Variants in TEX11 observed in about 807,000 individuals in gnomAD.
The protein encoded by TEX11 is testis expressed 11, also known as testis-expressed protein 11.
TEX11 carries 7 observed loss-of-function variants against 84.4 expected under a neutral mutation model. The observed-to-expected ratio is 0.08, with a 90% CI of 0.05 to 0.16. The LOEUF (loss-of-function observed/expected upper bound fraction) is 0.16. Among genes scored for constraint, TEX11 ranks in the 10% least tolerant of loss-of-function variants. The pLI is 1.00. For synonymous variants in TEX11, 264 were observed against 222.8 expected (o/e 1.18, Z -1.64); for missense variants, 551 against 660.5 (o/e 0.83, Z 1.82).
At chrX:70,824,492 C>T (rs1371879037) in intron 8 of TEX11, among the ~76,000 whole-genome samples, 1 of 111,528 alleles carries the variant, frequency 9.0e-6, no homozygotes, top group Non-Finnish European at 1.9e-5. Context: ...ACCTTACTGT[C>T]CATTCACTGC....
At chrX:70,687,887 AAAGGAAGGAAGG>A (rs200150715) in intron 13 of TEX11, among the ~76,000 whole-genome samples, 1 of 108,225 alleles carries the variant, frequency 9.2e-6, no homozygotes, top group Non-Finnish European at 1.9e-5. Context: ...AAAAGAAAGA[AAAGGAAGGAAGG>A]AAGGAAGGAG....
intron 9 of TEX11, among the ~76,000 whole-genome samples, chrX:70,766,315 G>A (rs941163901): frequency 1.8e-5 from 2 of 110,165 alleles, no homozygotes; most frequent in African/African-American, 3.3e-5. Flanking sequence ...GGGAGGCTGT[G>A]GCAGAAGAAT....
At chrX:70,875,704 C>T (rs765901456) in intron 3 of TEX11, among the ~76,000 whole-genome samples, 3 of 110,628 alleles carry the variant, frequency 2.7e-5, no homozygotes, top group East Asian at 2.8e-4. Context: ...GAGCCGAGAT[C>T]GTGCCACTGC....
chrX:70,724,274 T>C (rs2090582788), intron 12 of TEX11: 17 of 712,977 alleles, frequency 2.4e-5, no homozygotes, highest in Non-Finnish European at 2.8e-5. Context: ...TTTCAATCTG[T>C]GTATGCTGAG....
intron 25 of TEX11, among the ~76,000 whole-genome samples, chrX:70,566,615 G>T (rs1489312655): frequency 1.2e-4 from 13 of 111,141 alleles, no homozygotes; most frequent in South Asian, 1.2e-3. Context: ...TAGCATGAAG[G>T]GTTGTTGAAT....
intron 17 of TEX11, among the ~76,000 whole-genome samples, chrX:70,646,194 G>A (rs1043346668): frequency 1.8e-5 from 2 of 112,249 alleles, no homozygotes; most frequent in African/African-American, 6.5e-5. Flanking sequence ...TCAACCAATA[G>A]TGTTGGTAAA....
chrX:70,590,284 T>C (rs746085213), intron 25 of TEX11, among the ~76,000 whole-genome samples: 1 of 111,739 alleles, frequency 8.9e-6, no homozygotes, highest in African/African-American at 3.3e-5. Context: ...TTCATATGTT[T>C]ATGTTCTTCC....
chrX:70,792,313 A>T (rs866322067), intron 9 of TEX11, among the ~76,000 whole-genome samples: 1 of 20,912 alleles, frequency 4.8e-5, no homozygotes, highest in Admixed American at 1.1e-3. Context: ...AAAAAAAAAA[A>T]AAATATATAT....
intron 25 of TEX11, among the ~76,000 whole-genome samples, chrX:70,575,705 G>T (rs747089848): frequency 1.1e-4 from 12 of 111,805 alleles, no homozygotes; most frequent in African/African-American, 3.9e-4. Context: ...GAGGTGTTTT[G>T]TTACAGCAGC....
chrX:70,600,430 T>A (rs1603125043), intron 24 of TEX11, among the ~76,000 whole-genome samples: 3 of 110,838 alleles, frequency 2.7e-5, no homozygotes, highest in Admixed American at 9.7e-5. Context: ...AGACTTTAAC[T>A]TCCCACCATC....
chrX:70,882,198 G>A (rs1311996830), intron 2 of TEX11, among the ~76,000 whole-genome samples: 4 of 110,998 alleles, frequency 3.6e-5, no homozygotes, highest in Non-Finnish European at 5.7e-5. Context: ...CAAAATATTG[G>A]TAACAGAATC....
chrX:70,845,911 G>A (rs1052590347), intron 7 of TEX11, among the ~76,000 whole-genome samples: 6 of 111,210 alleles, frequency 5.4e-5, no homozygotes, highest in Admixed American at 4.8e-4. Context: ...ATCACACTTC[G>A]ATATGCAACA....
intron 25 of TEX11, among the ~76,000 whole-genome samples, chrX:70,555,270 T>C (rs1046661852): frequency 3.6e-5 from 4 of 112,241 alleles, no homozygotes; most frequent in Non-Finnish European, 7.5e-5. Context: ...AACTGTTTCA[T>C]TAGTCGACAG....
chrX:70,878,040 T>C (rs1412305731), intron 3 of TEX11, among the ~76,000 whole-genome samples: 1 of 111,815 alleles, frequency 8.9e-6, no homozygotes, highest in African/African-American at 3.2e-5. Context: ...TTTTGTGTTA[T>C]GTGTATTTTA....
At chrX:70,635,000 CT>C (rs1238576875) in intron 17 of TEX11, among the ~76,000 whole-genome samples, 1 of 112,021 alleles carries the variant, frequency 8.9e-6, no homozygotes, top group Non-Finnish European at 1.9e-5. Context: ...TGATAAAGAG[CT>C]TGTGTCCACT....
chrX:70,718,597 G>A (rs781642080), intron 13 of TEX11, among the ~76,000 whole-genome samples: 16 of 112,170 alleles, frequency 1.4e-4, no homozygotes, highest in Admixed American at 2.8e-4. Context: ...TGGATGACAT[G>A]AACAAGTTGA....
intron 7 of TEX11, among the ~76,000 whole-genome samples, chrX:70,848,800 C>T (rs1308505871): frequency 9.0e-6 from 1 of 111,577 alleles, no homozygotes; most frequent in Non-Finnish European, 1.9e-5. Flanking sequence ...CCAGGATAGC[C>T]TCCATCATAG....
At chrX:70,575,263 C>T (rs2147719) in intron 25 of TEX11, among the ~76,000 whole-genome samples, 47,365 of 110,185 alleles carry the variant, frequency 0.43, 8,386 homozygotes, top group East Asian at 0.6. Flanking sequence ...ATACTAGTGG[C>T]CTAATTTGTT....
chrX:70,862,499 T>A (rs935204737), intron 4 of TEX11, among the ~76,000 whole-genome samples: 3 of 111,530 alleles, frequency 2.7e-5, no homozygotes, highest in African/African-American at 9.8e-5. Flanking sequence ...AAGTGTAAAA[T>A]TTATTCATCA....
Sources: gnomAD v4.1 joint callset for allele counts (sites outside exome capture counted in the v4.1 genomes callset) on GRCh38, gnomAD v4.1.1 for gene constraint, MANE v1.5 for transcripts, NCBI Gene and HGNC (gene_info 2026-07-23, HGNC 2026-07-21) for gene names.